Variants in PHF20L1 observed in about 807,000 individuals in gnomAD.
PHF20L1 encodes PHD finger protein 20 like 1, also known as PHD finger protein 20-like protein 1.
PHF20L1 carries 44 observed loss-of-function variants against 125.5 expected under a neutral mutation model. That is an observed-to-expected ratio of 0.35 (90% confidence interval 0.28 to 0.45). The LOEUF (loss-of-function observed/expected upper bound fraction) is 0.45. Among genes scored for constraint, PHF20L1 ranks in the 20% least tolerant of loss-of-function variants. The pLI, the probability that PHF20L1 is intolerant of heterozygous loss-of-function variation, is 1.00. For synonymous variants in PHF20L1, 380 were observed against 403.1 expected (o/e 0.94, Z 0.69); for missense variants, 1,012 against 1,217.2 (o/e 0.83, Z 2.51).
chr8:132,815,877 T>C (rs1834922612), intron 10 of PHF20L1: 1 of 151,944 alleles, frequency 6.6e-6, no homozygotes, highest in Non-Finnish European at 1.5e-5. Context: ...CATGAAATAG[T>C]GTCAGTAGTA....
intron 2 of PHF20L1, among the ~76,000 whole-genome samples, chr8:132,791,929 A>C (rs1831761200): frequency 6.6e-6 from 1 of 152,230 alleles, no homozygotes; most frequent in African/African-American, 2.4e-5. Context: ...AAAAACCGTA[A>C]GTCGCTTTAA....
At chr8:132,845,462 A>G (rs770404310) in intron 20 of PHF20L1, among the ~76,000 whole-genome samples, 4 of 151,962 alleles carry the variant, frequency 2.6e-5, no homozygotes, top group Non-Finnish European at 5.9e-5. Flanking sequence ...GAGACCTTCA[A>G]AATGAAGTTA....
intron 8 of PHF20L1, among the ~76,000 whole-genome samples, chr8:132,805,328 A>G (rs977162218): frequency 6.6e-6 from 1 of 151,912 alleles, no homozygotes; most frequent in South Asian, 2.1e-4. Flanking sequence ...AGGAAATAGC[A>G]GTGTTAGGCT....
rs1838457286 is a variant in PHF20L1 at position 132,846,884 on chromosome 8, A to T, written c.*961A>T. The T allele has an allele frequency of 6.6e-6, 1 of 152,552 alleles. No individual in the cohort carries two copies. Among genetic ancestry groups the T allele is most frequent in the Non-Finnish European group, 1.5e-5 (1 of 68,004 alleles). The allele number at this position is 152,552 out of a possible 1,614,324, so 9.4% of individuals were successfully genotyped here. A position where few individuals can be genotyped will look rare whatever the true frequency, so the allele number is the denominator to read the frequency against. On this transcript the variant is annotated 3_prime_UTR_variant, in exon 21 of 21. Transcript: ENST00000395386. The stretch of plus-strand genomic sequence containing the variant: ...CAGCTGGGATGAGGAGTGACAGAAT[A>T]TCAAAATAATTTGTGGCTGTGGATT...
Position 132,785,484 on chromosome 8 carries a change from A to C in PHF20L1, c.83+7573A>C, listed in dbSNP as rs181978650. 5.1e-4 allele frequency among the ~76,000 whole-genome samples: 78 copies of C among 152,330 alleles called. 1 individual carries two copies. The highest frequency in any genetic ancestry group is 1.8e-3 in the African/African-American group (73 of 41,580). ...GTTTTAATTTTAAGTTTTGAATATC[A>C]GTAGTACAATTTTTAAAAGAAATTA... On this transcript the variant is annotated intron_variant, in intron 2 of 20. Coordinates refer to ENST00000395386, the MANE Select transcript of PHF20L1 (RefSeq NM_016018.5).
intron 2 of PHF20L1, among the ~76,000 whole-genome samples, chr8:132,779,792 G>A (rs1225549066): frequency 2.6e-5 from 4 of 152,170 alleles, no homozygotes; most frequent in Non-Finnish European, 4.4e-5. Context: ...ATGCTTGAAT[G>A]TACTTTTAGA....
intron 19 of PHF20L1, chr8:132,843,638 T>TGA (rs1194802033): frequency 6.6e-5 from 65 of 984,204 alleles, no homozygotes; most frequent in Non-Finnish European, 7.7e-5. Context: ...TGTGTGTGTG[T>TGA]GAAGCAGTTT....
In PHF20L1 at chr8:132,832,264, G is replaced by A. The variant is rs771023264; in HGVS notation, c.1774G>A (p.Glu592Lys). 21 of 1,601,710 alleles carry A rather than the reference G, an allele frequency of 1.3e-5. No homozygotes were observed. Among genetic ancestry groups the A allele is most frequent in the Non-Finnish European group, 1.8e-5 (21 of 1,169,396 alleles). Residue 592 changes from glutamate (E) to lysine (K), a missense_variant, in exon 15 of 21, where the codon GAA (glutamate) becomes AAA (lysine). Around this residue, in one of 7 missense-constraint regions of PHF20L1, gnomAD observed 320 missense variants for 293.8 expected, o/e 1.09. Transcript: ENST00000395386. ...TTCAGACTATGAAGACAGTTCCCTC[G>A]AATTTTTGGAAAGGTGCTCTTCTCC... ...DYSDYEDSSLEFLERCSSPLT... is the reference protein window; with the variant it reads ...DYSDYEDSSLKFLERCSSPLT...
intron 2 of PHF20L1, among the ~76,000 whole-genome samples, chr8:132,785,493 A>G (rs961889763): frequency 3.3e-5 from 5 of 152,180 alleles, no homozygotes; most frequent in African/African-American, 4.8e-5. Context: ...CAGTAGTACA[A>G]TTTTTAAAAG....
chr8:132,825,927 A>G (rs1836127854), intron 14 of PHF20L1, among the ~76,000 whole-genome samples: 1 of 152,184 alleles, frequency 6.6e-6, no homozygotes, highest in African/African-American at 2.4e-5. Flanking sequence ...TTGGACTTCC[A>G]GCCTTCAGAA....
chr8:132,814,367 A>T (rs1834734156), intron 9 of PHF20L1, among the ~76,000 whole-genome samples: 1 of 151,958 alleles, frequency 6.6e-6, no homozygotes, highest in Admixed American at 6.6e-5. Flanking sequence ...GTCCAGTAAG[A>T]TAACATTTTA....
chr8:132,842,441 T>C, intron 18 of PHF20L1, 74 bp from the exon 19 acceptor site: 1 of 1,362,284 alleles, frequency 7.3e-7, no homozygotes, highest in Non-Finnish European at 9.9e-7. Flanking sequence ...AATTCTGAAA[T>C]AGATCATTGT....
At chr8:132,813,778 G>T (rs1834649044) in intron 9 of PHF20L1, among the ~76,000 whole-genome samples, 1 of 151,908 alleles carries the variant, frequency 6.6e-6, no homozygotes, top group Non-Finnish European at 1.5e-5. Flanking sequence ...TTTGAAAAAT[G>T]GACACATTCA....
intron 8 of PHF20L1, among the ~76,000 whole-genome samples, chr8:132,805,225 A>G (rs889381751): frequency 2.4e-4 from 37 of 151,886 alleles, no homozygotes; most frequent in Admixed American, 7.9e-4. Context: ...AAGTATTTCT[A>G]TAAGTTTTTT....
chr8:132,829,495 G>T (rs1446365257), intron 14 of PHF20L1, among the ~76,000 whole-genome samples: 1 of 151,964 alleles, frequency 6.6e-6, no homozygotes, highest in Admixed American at 6.6e-5. Flanking sequence ...TCCATGTCTG[G>T]GCCTAAGTAA....
Position 132,842,514 on chromosome 8 carries a change from G to T in PHF20L1, c.2388-1G>T. ...TGCTGTTTTTCCAACTTTGTTTTAA[G>T]GAATAAACATCATCCTGACCTTCAT... On this transcript the variant is annotated splice_acceptor_variant, in intron 18 of 20. Transcript: ENST00000395386. LOFTEE classifies it high-confidence loss of function. 2 of 1,563,296 alleles carry T rather than the reference G, an allele frequency of 1.3e-6. No homozygotes were observed. The highest frequency in any genetic ancestry group is 1.2e-5 in the South Asian group (1 of 82,688).
rs1223642410 is a variant in PHF20L1, at chr8:132,842,988, C to T, written c.2748+113C>T. The T allele has an allele frequency of 5.5e-6, 8 of 1,451,782 alleles. No homozygotes were observed. In the East Asian group the frequency reaches 9.4e-5, roughly 17 times the overall value. 89.9% of individuals were successfully genotyped at this position (1,451,782 alleles called of 1,614,324 possible). A position where few individuals can be genotyped will look rare whatever the true frequency, so the allele number is the denominator to read the frequency against. ...ATTTTAGTTGTATTTCCAAGTTCCC[C>T]AGTACCTTGTTAAAGTAAGGAGATT... On this transcript the variant is annotated intron_variant, in intron 19 of 20. Coordinates refer to ENST00000395386, the MANE Select transcript of PHF20L1 (RefSeq NM_016018.5).
chr8:132,828,386 C>G (rs906527478), intron 14 of PHF20L1, among the ~76,000 whole-genome samples: 27 of 151,938 alleles, frequency 1.8e-4, no homozygotes, highest in African/African-American at 6.3e-4. Context: ...TGGTGAAAAG[C>G]AGATTCATTT....
chr8:132,785,655 ACTT>A (rs1218923757), intron 2 of PHF20L1, among the ~76,000 whole-genome samples: 1 of 152,162 alleles, frequency 6.6e-6, no homozygotes, highest in Non-Finnish European at 1.5e-5. Context: ...ATAAGAATAT[ACTT>A]CTTATTAAAT....
Sources: gnomAD v4.1 joint callset for allele counts (sites outside exome capture counted in the v4.1 genomes callset) on GRCh38, gnomAD v4.1.1 for gene constraint, gnomAD v4.1.1 regional missense constraint, MANE v1.5 for transcripts, NCBI Gene and HGNC (gene_info 2026-07-23, HGNC 2026-07-21) for gene names.